Variants in WWOX observed in about 807,000 individuals in gnomAD.
WWOX encodes the protein WW domain-containing oxidoreductase.
In WWOX, 69 loss-of-function variants were observed where a neutral mutation model predicts 46.2. The observed-to-expected ratio is 1.49, with a 90% CI of 1.23 to 1.82. WWOX has a LOEUF of 1.82. WWOX is among the 40% of genes most tolerant of loss of function. The probability of loss-of-function intolerance (pLI) is 0.00; values close to 1 mark genes in which losing one functional copy is unlikely to be tolerated. For synonymous variants in WWOX, 359 were observed against 202.6 expected (o/e 1.77, Z -6.56); for missense variants, 919 against 542.6 (o/e 1.69, Z -6.89).
At chr16:79,039,888 T>A (rs1037236244) in intron 8 of WWOX, among the ~76,000 whole-genome samples, 1 of 152,218 alleles carries the variant, frequency 6.6e-6, no homozygotes, top group Non-Finnish European at 1.5e-5. Flanking sequence ...CCACATTCCA[T>A]GGACTGATAC....
intron 8 of WWOX, among the ~76,000 whole-genome samples, chr16:78,790,359 T>G (rs2050563286): frequency 6.6e-6 from 1 of 152,052 alleles, no homozygotes; most frequent in Non-Finnish European, 1.5e-5. Flanking sequence ...GCTCTCAAAC[T>G]CCTGACATCA....
At chr16:79,068,288 T>G (rs1233591599) in intron 8 of WWOX, among the ~76,000 whole-genome samples, 1 of 152,174 alleles carries the variant, frequency 6.6e-6, no homozygotes, top group African/African-American at 2.4e-5. Context: ...AACTAGCTCA[T>G]GTAAAGCCTG....
At chr16:78,983,313 C>G (rs1347020501) in intron 8 of WWOX, among the ~76,000 whole-genome samples, 1 of 152,136 alleles carries the variant, frequency 6.6e-6, no homozygotes, top group African/African-American at 2.4e-5. Context: ...AATCAGGAAC[C>G]AGGGCCTCCT....
At chr16:79,189,900 C>G (rs1387415295) in intron 8 of WWOX, among the ~76,000 whole-genome samples, 1 of 134,132 alleles carries the variant, frequency 7.5e-6, no homozygotes, top group East Asian at 2.2e-4. Context: ...CATATTCTAC[C>G]TAGTTTTAGG....
At chr16:79,108,843 G>C (rs185933794) in intron 8 of WWOX, among the ~76,000 whole-genome samples, 73 of 152,134 alleles carry the variant, frequency 4.8e-4, no homozygotes, top group African/African-American at 1.7e-3. Flanking sequence ...CGAGACTGCA[G>C]TGAGCCATGA....
rs531565527 is a variant in WWOX, at chr16:78,392,387, A to G, written c.605+5439A>G. On this transcript the variant is annotated intron_variant, in intron 6 of 8. Coordinates refer to ENST00000566780, the MANE Select transcript of WWOX (RefSeq NM_016373.4). ...GATGGGATTGTCTAGTTCTAGGAAA[A>G]CAAGCTCAGGGCTCCCACCGATTGT... Among the ~76,000 whole-genome samples the G allele has an allele frequency of 1.5e-4, 23 of 152,036 alleles. No homozygotes were observed. In the East Asian group the frequency reaches 4.3e-3, roughly 28 times the overall value.
intron 8 of WWOX, among the ~76,000 whole-genome samples, chr16:78,738,361 T>C (rs1357717927): frequency 1.3e-5 from 2 of 152,166 alleles, no homozygotes; most frequent in Non-Finnish European, 2.9e-5. Flanking sequence ...ATAAAATCAA[T>C]ATTTATGTGT....
chr16:79,042,261 G>C (rs747667430), intron 8 of WWOX, among the ~76,000 whole-genome samples: 25 of 152,158 alleles, frequency 1.6e-4, no homozygotes, highest in Admixed American at 3.3e-4. Flanking sequence ...AAAAGCTGAG[G>C]CTTCCTCACT....
chr16:79,182,963 G>C (rs1262390164), intron 8 of WWOX, among the ~76,000 whole-genome samples: 1 of 152,206 alleles, frequency 6.6e-6, no homozygotes, highest in Non-Finnish European at 1.5e-5. Flanking sequence ...GCAGGACTAA[G>C]AAGGTAAAGA....
intron 5 of WWOX, among the ~76,000 whole-genome samples, chr16:78,201,928 T>TA (rs1418775641): frequency 6.6e-6 from 1 of 152,030 alleles, no homozygotes; most frequent in African/African-American, 2.4e-5. Context: ...CACGAACTCC[T>TA]AAACTCAGGC....
At chr16:79,035,362 G>C (rs539374723) in intron 8 of WWOX, among the ~76,000 whole-genome samples, 1 of 152,102 alleles carries the variant, frequency 6.6e-6, no homozygotes, top group Non-Finnish European at 1.5e-5. Flanking sequence ...ATTGTACCAA[G>C]AACAAAAGGC....
intron 8 of WWOX, among the ~76,000 whole-genome samples, chr16:78,507,827 G>A (rs1055777117): frequency 1.3e-5 from 2 of 152,080 alleles, no homozygotes; most frequent in African/African-American, 2.4e-5. Context: ...CTCCGAATTC[G>A]CACCTGTTCA....
intron 8 of WWOX, among the ~76,000 whole-genome samples, chr16:79,032,674 A>G (rs2047787627): frequency 6.7e-6 from 1 of 150,252 alleles, no homozygotes; most frequent in African/African-American, 2.4e-5. Flanking sequence ...ATGTATATAT[A>G]TATATATACA....
At chr16:79,105,235 T>C (rs1310166427) in intron 8 of WWOX, among the ~76,000 whole-genome samples, 1 of 152,154 alleles carries the variant, frequency 6.6e-6, no homozygotes, top group Non-Finnish European at 1.5e-5. Context: ...CTGCTATTGT[T>C]TTGAATCATT....
At chr16:79,040,501 C>T (rs1329422030) in intron 8 of WWOX, among the ~76,000 whole-genome samples, 3 of 152,050 alleles carry the variant, frequency 2.0e-5, no homozygotes, top group African/African-American at 7.2e-5. Flanking sequence ...GTCTCGAACT[C>T]CTGAGCTCAG....
intron 8 of WWOX, among the ~76,000 whole-genome samples, chr16:78,700,519 A>G (rs2048191731): frequency 6.6e-6 from 1 of 152,170 alleles, no homozygotes. Flanking sequence ...GCATGAACCA[A>G]CCACGTGCAC....
At chr16:78,832,002 A>T (rs375427185) in intron 8 of WWOX, among the ~76,000 whole-genome samples, 11 of 152,330 alleles carry the variant, frequency 7.2e-5, no homozygotes, top group Admixed American at 2.6e-4. Context: ...CTACCTAGGT[A>T]TCTGCAACAG....
intron 8 of WWOX, among the ~76,000 whole-genome samples, chr16:78,820,615 C>G (rs920687976): frequency 1.3e-5 from 2 of 152,070 alleles, no homozygotes; most frequent in South Asian, 2.1e-4. Context: ...TTGGTGAAAG[C>G]AAGACCACAG....
intron 8 of WWOX, among the ~76,000 whole-genome samples, chr16:78,639,033 G>A (rs1208802583): frequency 6.6e-6 from 1 of 152,044 alleles, no homozygotes; most frequent in Non-Finnish European, 1.5e-5. Flanking sequence ...TCTTTTACCC[G>A]TCTTATGGGG....
Sources: allele counts gnomAD v4.1 joint callset (sites outside exome capture counted in the v4.1 genomes callset), GRCh38; gene constraint gnomAD v4.1.1; transcripts MANE v1.5; gene names NCBI Gene and HGNC (gene_info 2026-07-23, HGNC 2026-07-21).